RANBP2: variants seen among roughly 807,000 people sequenced by gnomAD.
RANBP2 encodes the protein E3 SUMO-protein ligase RanBP2.
In RANBP2, 57 loss-of-function variants were observed where a neutral mutation model predicts 303.6. The ratio of observed to expected loss-of-function variants is 0.19; its 90% confidence interval spans 0.15 to 0.23. The LOEUF (loss-of-function observed/expected upper bound fraction) is 0.23. Ranked by LOEUF, RANBP2 falls within the 10% of genes least tolerant of loss-of-function variation. RANBP2 has a pLI of 1.00. For synonymous variants in RANBP2, 1,167 were observed against 1,301.5 expected, an observed-to-expected ratio of 0.90 and a Z score of 2.23; for missense variants, 3,138 against 3,780.8, an observed-to-expected ratio of 0.83 and a Z score of 4.46.
rs1677944204 is a variant in RANBP2 at position 108,777,118 on chromosome 2, T to G, written c.8498-12T>G. ...AATTAAATAGTAAATTGTTCTTTTT[T>G]TCTTTTGCCAGGGGAAAGCAAGATA... On this transcript the variant is annotated splice_polypyrimidine_tract_variant and intron_variant, in intron 24 of 28. Coordinates refer to ENST00000283195, the MANE Select transcript of RANBP2 (RefSeq NM_006267.5). 1 of 1,611,538 alleles carries G rather than the reference T, an allele frequency of 6.2e-7. No homozygotes were observed. Among genetic ancestry groups the G allele is most frequent in the Non-Finnish European group, 8.5e-7 (1 of 1,178,106 alleles).
At chr2:109,223,646 C>G in the RANBP2 span, among the ~76,000 whole-genome samples, 10 of 152,134 alleles carry the variant, frequency 6.6e-5, no homozygotes, top group Non-Finnish European at 1.0e-4. Flanking sequence ...CTGGGTAGCC[C>G]TGCACCTCTC....
the RANBP2 span, among the ~76,000 whole-genome samples, chr2:109,381,828 T>A: frequency 6.6e-6 from 1 of 151,976 alleles, no homozygotes; most frequent in African/African-American, 2.4e-5. Flanking sequence ...CATAGTAGAA[T>A]CAGACATGTT....
At chr2:109,172,465 T>C in the RANBP2 span, among the ~76,000 whole-genome samples, 1 of 152,262 alleles carries the variant, frequency 6.6e-6, no homozygotes, top group Non-Finnish European at 1.5e-5. Context: ...AGCAAACTTT[T>C]ATCCTCTTGG....
the RANBP2 span, among the ~76,000 whole-genome samples, chr2:109,536,322 G>A: frequency 6.6e-6 from 1 of 152,180 alleles, no homozygotes; most frequent in Non-Finnish European, 1.5e-5. Context: ...CAAGACCATG[G>A]GAACCCACCT....
At chr2:108,919,511 A>G in the RANBP2 span, among the ~76,000 whole-genome samples, 2 of 152,048 alleles carry the variant, frequency 1.3e-5, no homozygotes, top group Admixed American at 1.3e-4. Flanking sequence ...GGCAGGCACC[A>G]CCACGCCCAG....
chr2:109,633,238 C>T, the RANBP2 span, among the ~76,000 whole-genome samples: 1 of 151,972 alleles, frequency 6.6e-6, no homozygotes, highest in Non-Finnish European at 1.5e-5. Flanking sequence ...ACTAAAAATA[C>T]ACAGATTAGC....
At chr2:109,708,117 G>A in the RANBP2 span, among the ~76,000 whole-genome samples, 2 of 152,320 alleles carry the variant, frequency 1.3e-5, no homozygotes, top group African/African-American at 2.4e-5. Flanking sequence ...AAAAACAGTC[G>A]GAGGCTGAGA....
chr2:108,742,739 C>T (rs568465943), intron 7 of RANBP2, among the ~76,000 whole-genome samples: 1 of 152,250 alleles, frequency 6.6e-6, no homozygotes, highest in East Asian at 1.9e-4. Flanking sequence ...CTAGGTAATA[C>T]CAACATTAAA....
At chr2:109,020,243 C>T in the RANBP2 span, among the ~76,000 whole-genome samples, 1 of 152,170 alleles carries the variant, frequency 6.6e-6, no homozygotes, top group Admixed American at 6.5e-5. Context: ...GCAAAGTAAA[C>T]AGCAGAGACA....
the RANBP2 span, among the ~76,000 whole-genome samples, chr2:108,897,736 C>T: frequency 0.73 from 111,701 of 152,086 alleles, 43,697 homozygotes; most frequent in East Asian, 0.97. Flanking sequence ...TTGGGCTTCA[C>T]TGTACATTAG....
chr2:109,684,398 G>A, the RANBP2 span, among the ~76,000 whole-genome samples: 1 of 151,082 alleles, frequency 6.6e-6, no homozygotes, highest in Non-Finnish European at 1.5e-5. Flanking sequence ...GTGCCACCAC[G>A]GCCGGCTAAT....
the RANBP2 span, among the ~76,000 whole-genome samples, chr2:109,396,040 G>C: frequency 6.6e-6 from 1 of 152,214 alleles, no homozygotes; most frequent in Non-Finnish European, 1.5e-5. Context: ...CAGGCGCGTG[G>C]CAGGTGTGTT....
chr2:109,113,475 C>T, the RANBP2 span, among the ~76,000 whole-genome samples: 1 of 152,156 alleles, frequency 6.6e-6, no homozygotes, highest in African/African-American at 2.4e-5. Flanking sequence ...GATTTTTGTA[C>T]ATTGATTTTG....
At chr2:109,324,694 G>A in the RANBP2 span, among the ~76,000 whole-genome samples, 5 of 152,312 alleles carry the variant, frequency 3.3e-5, no homozygotes, top group African/African-American at 1.2e-4. Context: ...CAAAGCTGTG[G>A]ATCCCTGCTG....
At chr2:109,294,206 C>T in the RANBP2 span, among the ~76,000 whole-genome samples, 4 of 152,198 alleles carry the variant, frequency 2.6e-5, no homozygotes, top group Admixed American at 2.6e-4. Context: ...CATACAGCTC[C>T]TTGGTGGGGG....
the RANBP2 span, among the ~76,000 whole-genome samples, chr2:108,997,902 A>T: frequency 4.6e-5 from 7 of 152,252 alleles, no homozygotes; most frequent in Admixed American, 4.6e-4. Context: ...AAAAGCAACA[A>T]CAACAACAAA....
the RANBP2 span, among the ~76,000 whole-genome samples, chr2:109,489,348 C>A: frequency 6.7e-4 from 102 of 152,356 alleles, no homozygotes; most frequent in African/African-American, 2.4e-3. Flanking sequence ...GGTACAGCTG[C>A]AACAACAATC....
chr2:109,272,257 C>A, the RANBP2 span, among the ~76,000 whole-genome samples: 4 of 152,236 alleles, frequency 2.6e-5, no homozygotes, highest in Non-Finnish European at 5.9e-5. Context: ...TAGGTGAAAT[C>A]TCTAGCAATT....
chr2:109,703,027 G>A, the RANBP2 span, among the ~76,000 whole-genome samples: 1 of 151,954 alleles, frequency 6.6e-6, no homozygotes, highest in Admixed American at 6.6e-5. Flanking sequence ...TGGGGGTGGG[G>A]GCTAGGAGAG....
Sources: allele counts gnomAD v4.1 joint callset (sites outside exome capture counted in the v4.1 genomes callset), GRCh38; gene constraint gnomAD v4.1.1; transcripts MANE v1.5; gene names NCBI Gene and HGNC (gene_info 2026-07-23, HGNC 2026-07-21).